Variants in SHB observed in about 807,000 individuals in gnomAD.
SHB encodes the protein SH2 domain containing adaptor protein B, also known as SH2 domain-containing adapter protein B.
A neutral mutation model predicts 52.3 loss-of-function variants in SHB; 20 were observed. That is an observed-to-expected ratio of 0.38 (90% confidence interval 0.27 to 0.56). The LOEUF (loss-of-function observed/expected upper bound fraction) is 0.56. SHB is among the 20% of genes least tolerant of loss of function. SHB has a pLI of 0.71. For missense variants in SHB, 825 were observed against 723.3 expected, an observed-to-expected ratio of 1.14 and a Z score of -1.61; for synonymous variants, 397 against 316.5, an observed-to-expected ratio of 1.25 and a Z score of -2.70.
intron 5 of SHB, among the ~76,000 whole-genome samples, chr9:37,927,158 T>C (rs1832259500): frequency 6.6e-6 from 1 of 152,228 alleles, no homozygotes; most frequent in African/African-American, 2.4e-5. Context: ...ACTGTGTGAC[T>C]GGTTTCTCCA....
intron 5 of SHB, among the ~76,000 whole-genome samples, chr9:37,942,301 T>C (rs1056613357): frequency 1.3e-5 from 2 of 152,218 alleles, no homozygotes; most frequent in Admixed American, 6.5e-5. Context: ...TTCTTGATAA[T>C]GTCGTGCTCC....
At chr9:37,952,187 AG>A (rs1832574348) in intron 4 of SHB, among the ~76,000 whole-genome samples, 1 of 152,212 alleles carries the variant, frequency 6.6e-6, no homozygotes, top group African/African-American at 2.4e-5. Flanking sequence ...GATAGTGACA[AG>A]GGTTATGCAG....
At chr9:37,931,710 T>G (rs1373166831) in intron 5 of SHB, among the ~76,000 whole-genome samples, 2 of 152,236 alleles carry the variant, frequency 1.3e-5, no homozygotes, top group Non-Finnish European at 2.9e-5. Flanking sequence ...GAAGTAGAAC[T>G]ACAGTATGAC....
chr9:37,929,975 G>A (rs1162564359), intron 5 of SHB, among the ~76,000 whole-genome samples: 3 of 152,136 alleles, frequency 2.0e-5, no homozygotes, highest in Admixed American at 6.5e-5. Flanking sequence ...GGTGGCACAC[G>A]CTTGTAGTCC....
chr9:37,933,272 G>T (rs975880126), intron 5 of SHB, among the ~76,000 whole-genome samples: 2 of 152,348 alleles, frequency 1.3e-5, no homozygotes, highest in Admixed American at 6.5e-5. Context: ...AATGTTCCCT[G>T]AAGTCCACTG....
intron 3 of SHB, among the ~76,000 whole-genome samples, chr9:37,967,146 T>C (rs1281743460): frequency 6.6e-6 from 1 of 152,226 alleles, no homozygotes; most frequent in Non-Finnish European, 1.5e-5. Flanking sequence ...GACAATGAAG[T>C]GAACCCTACC....
intron 1 of SHB, among the ~76,000 whole-genome samples, chr9:38,062,384 G>A (rs185532451): frequency 6.6e-6 from 1 of 152,248 alleles, no homozygotes; most frequent in East Asian, 1.9e-4. Context: ...CCTTTGCCAT[G>A]GGACACTGCA....
At chr9:38,043,582 C>A (rs564571451) in intron 1 of SHB, among the ~76,000 whole-genome samples, 448 of 152,274 alleles carry the variant, frequency 2.9e-3, no homozygotes, top group African/African-American at 0.01. Context: ...GCTCCCCCTT[C>A]CCCTGCCATA....
intron 5 of SHB, among the ~76,000 whole-genome samples, chr9:37,944,653 C>A (rs1213067160): frequency 1.3e-5 from 2 of 152,164 alleles, no homozygotes; most frequent in Non-Finnish European, 2.9e-5. Flanking sequence ...GTGAGTGCAA[C>A]CTGCACGTCA....
intron 3 of SHB, 69 bp downstream of exon 3, chr9:37,974,552 AG>A (rs1820629544): frequency 3.7e-6 from 5 of 1,336,146 alleles, no homozygotes; most frequent in Non-Finnish European, 5.2e-6. Flanking sequence ...TCCTGAGCGC[AG>A]GTGGGGACCA....
At chr9:38,050,583 T>C (rs1821726533) in intron 1 of SHB, among the ~76,000 whole-genome samples, 1 of 152,170 alleles carries the variant, frequency 6.6e-6, no homozygotes, top group East Asian at 1.9e-4. Context: ...CCTTCACAGA[T>C]CTAAAGTCCC....
intron 2 of SHB, among the ~76,000 whole-genome samples, chr9:37,986,073 G>T (rs1018692440): frequency 1.3e-5 from 2 of 152,224 alleles, no homozygotes. Context: ...AGGCAGAAAG[G>T]AAATCTAGCC....
intron 2 of SHB, among the ~76,000 whole-genome samples, chr9:37,987,948 G>A (rs1489841886): frequency 2.6e-5 from 4 of 151,998 alleles, no homozygotes; most frequent in Non-Finnish European, 4.4e-5. Flanking sequence ...ATATACCCTG[G>A]GGGCCCTGGT....
intron 1 of SHB, among the ~76,000 whole-genome samples, chr9:38,060,047 G>A (rs1229272923): frequency 6.6e-6 from 1 of 152,222 alleles, no homozygotes; most frequent in African/African-American, 2.4e-5. Context: ...AAATAAGGCA[G>A]AGATGATAAA....
rs1587206005 is a variant in SHB at position 37,948,517 on chromosome 9, AC to A, written c.1346+117del. 6 of 1,236,764 alleles carry A rather than the reference AC, an allele frequency of 4.9e-6. No individual in the cohort carries two copies. In the East Asian group the frequency reaches 1.4e-4, roughly 29 times the overall value. The allele number at this position is 1,236,764 out of a possible 1,614,324, so 76.6% of individuals were successfully genotyped here. On this transcript the variant is annotated intron_variant, in intron 5 of 5. Transcript: ENST00000377707. The stretch of plus-strand genomic sequence containing the variant: ...AATTGAAAAACCCAGGCCTAAAATA[AC>A]GTGTGCTGGCAAGTTTCCCAGGGGA...
chr9:37,924,502 C>A lies in SHB; in HGVS notation c.1347-4498G>T, dbSNP rs7035752. ...ATGCAGGAGAAGGATGGAAATTGGC[C>A]TTTGGGACTAATGTGTGGGACCCAG... On this transcript the variant is annotated intron_variant, in intron 5 of 5. Coordinates refer to ENST00000377707, the MANE Select transcript of SHB (RefSeq NM_003028.3). 3.9e-3 allele frequency among the ~76,000 whole-genome samples: 591 copies of A among 152,190 alleles called. 4 individuals carry two copies. The highest frequency in any genetic ancestry group is 0.014 in the African/African-American group (562 of 41,518).
chr9:38,037,810 G>T (rs986680546), intron 1 of SHB, among the ~76,000 whole-genome samples: 1 of 152,196 alleles, frequency 6.6e-6, no homozygotes, highest in African/African-American at 2.4e-5. Flanking sequence ...GGAACATAGA[G>T]CAGAAGGAGT....
chr9:38,024,063 C>T (rs1821312427), intron 1 of SHB, among the ~76,000 whole-genome samples: 1 of 152,226 alleles, frequency 6.6e-6, no homozygotes, highest in Non-Finnish European at 1.5e-5. Flanking sequence ...GGTTGGTTTT[C>T]CACTCCATTT....
intron 1 of SHB, among the ~76,000 whole-genome samples, chr9:38,042,036 A>G (rs2118143179): frequency 6.6e-6 from 1 of 152,332 alleles, no homozygotes; most frequent in Middle Eastern, 3.4e-3. Context: ...CGCTAGGAGC[A>G]CTGGGGCAGA....
Sources: gnomAD v4.1 joint callset for allele counts (sites outside exome capture counted in the v4.1 genomes callset) on GRCh38, gnomAD v4.1.1 for gene constraint, MANE v1.5 for transcripts, NCBI Gene and HGNC (gene_info 2026-07-23, HGNC 2026-07-21) for gene names.